FAM76A: variants seen among roughly 807,000 people sequenced by gnomAD.
FAM76A encodes protein FAM76A.
FAM76A carries 32 observed loss-of-function variants against 46.2 expected under a neutral mutation model. The ratio of observed to expected loss-of-function variants is 0.69; its 90% confidence interval spans 0.52 to 0.93. The LOEUF is 0.93. Ranked by LOEUF, FAM76A falls within the 40% of genes least tolerant of loss-of-function variation. FAM76A has a pLI of 0.00. For missense variants in FAM76A, 274 were observed against 361.5 expected (o/e 0.76, Z 1.96); for synonymous variants, 137 against 127.0 (o/e 1.08, Z -0.53).
At chr1:27,735,423 C>A (rs1251919546) in intron 4 of FAM76A, among the ~76,000 whole-genome samples, 2 of 152,164 alleles carry the variant, frequency 1.3e-5, no homozygotes, top group African/African-American at 4.8e-5. Flanking sequence ...AGTAGCTGCT[C>A]AATAAGTATT....
intron 6 of FAM76A, among the ~76,000 whole-genome samples, chr1:27,749,833 A>G (rs761731661): frequency 6.6e-6 from 1 of 152,248 alleles, no homozygotes; most frequent in Non-Finnish European, 1.5e-5. Context: ...AAGCCAGCCC[A>G]GTGCAGATTC....
At chr1:27,732,697 GT>G in intron 3 of FAM76A, 40 bp downstream of exon 3, 2 of 1,519,712 alleles carry the variant, frequency 1.3e-6, no homozygotes, top group South Asian at 1.2e-5. Flanking sequence ...GAGTACTAGG[GT>G]CTTGTGGAAC....
In FAM76A at chr1:27,727,452, A is replaced by C. The variant is rs2087879360; in HGVS notation, c.82-20A>C. The C allele has an allele frequency of 1.3e-5, 21 of 1,610,830 alleles. No individual in the cohort carries two copies. Among genetic ancestry groups the C allele is most frequent in the Non-Finnish European group, 1.7e-5 (20 of 1,177,264 alleles). On this transcript the variant is annotated intron_variant, in intron 1 of 8. Transcript: ENST00000373954. ...CCATTTGTGACTGCCTTTTAAAATT[A>C]TATCCTCATTTCATTTCAGGAATGT...
chr1:27,737,186 T>C (rs576076471), intron 4 of FAM76A, among the ~76,000 whole-genome samples: 139 of 152,130 alleles, frequency 9.1e-4, no homozygotes, highest in Non-Finnish European at 1.8e-3. Flanking sequence ...TGATCTCAGG[T>C]GATCTACCCG....
At chr1:27,728,151 A>G (rs1314310437) in intron 2 of FAM76A, among the ~76,000 whole-genome samples, 4 of 151,712 alleles carry the variant, frequency 2.6e-5, no homozygotes, top group African/African-American at 9.7e-5. Flanking sequence ...ATCATTTTAT[A>G]TTGTGATTAT....
chr1:27,731,891 G>A (rs753803372), intron 2 of FAM76A, among the ~76,000 whole-genome samples: 7 of 151,944 alleles, frequency 4.6e-5, no homozygotes, highest in Non-Finnish European at 4.4e-5. Flanking sequence ...GTGAGGTCTC[G>A]GCTTACTGCA....
Position 27,737,868 on chromosome 1 carries a change from CA to C in FAM76A, c.354+3709del, listed in dbSNP as rs71571865. Reference sequence around the variant, plus strand: ...CTCCATCTCAAAACAACAACAACAACAAAAAAAAAAAAAAAAAAAAAAAACA... The same window carrying C: ...CTCCATCTCAAAACAACAACAACAACAAAAAAAAAAAAAAAAAAAAAAACA... On this transcript the variant is annotated intron_variant, in intron 4 of 8. Transcript: ENST00000373954. Among the ~76,000 whole-genome samples, 574 of 62,658 alleles carry C rather than the reference CA, an allele frequency of 9.2e-3. 4 individuals are homozygous for C. Among genetic ancestry groups the C allele is most frequent in the African/African-American group, 0.022 (469 of 21,054 alleles). The allele number at this position is 62,658 out of a possible 152,430, so 41.1% of individuals were successfully genotyped here.
At chr1:27,753,561 A>G (rs2148585078) in intron 6 of FAM76A, among the ~76,000 whole-genome samples, 1 of 152,336 alleles carries the variant, frequency 6.6e-6, no homozygotes, top group East Asian at 1.9e-4. Flanking sequence ...CCATCCATTC[A>G]TTAGTTATGA....
chr1:27,736,085 G>C (rs2088039147), intron 4 of FAM76A, among the ~76,000 whole-genome samples: 1 of 152,124 alleles, frequency 6.6e-6, no homozygotes. Flanking sequence ...ACTTTGGGAG[G>C]CTGAAGTGGA....
chr1:27,739,223 G>T (rs2088108916), intron 4 of FAM76A: 2 of 483,048 alleles, frequency 4.1e-6, no homozygotes, highest in Admixed American at 2.3e-5. Flanking sequence ...TTGTATGCAT[G>T]CTGAACCAGG....
At chr1:27,727,451 T>C (rs1462303290) in intron 1 of FAM76A, 21 bp from the exon 2 acceptor site, 1 of 1,610,772 alleles carries the variant, frequency 6.2e-7, no homozygotes, top group Non-Finnish European at 8.5e-7. Context: ...CTTTTAAAAT[T>C]ATATCCTCAT....
chr1:27,746,992 T>C (rs2088251997), intron 5 of FAM76A, among the ~76,000 whole-genome samples: 1 of 152,124 alleles, frequency 6.6e-6, no homozygotes, highest in Non-Finnish European at 1.5e-5. Flanking sequence ...GAGGATCGCT[T>C]TAAGCCTTGG....
chr1:27,748,120 G>GTTTT (rs775627660), intron 5 of FAM76A, among the ~76,000 whole-genome samples: 49 of 108,354 alleles, frequency 4.5e-4, no homozygotes, highest in African/African-American at 8.6e-4. Flanking sequence ...TGTAAAAGAA[G>GTTTT]TTTTTTTTTT....
intron 7 of FAM76A, among the ~76,000 whole-genome samples, chr1:27,758,093 T>C (rs1185588241): frequency 6.6e-6 from 1 of 152,208 alleles, no homozygotes; most frequent in Non-Finnish European, 1.5e-5. Context: ...TTATGTTGTT[T>C]TCTGCCAAGT....
intron 4 of FAM76A, among the ~76,000 whole-genome samples, chr1:27,738,046 C>T (rs1161446470): frequency 6.6e-6 from 1 of 151,464 alleles, no homozygotes; most frequent in African/African-American, 2.4e-5. Context: ...GAATGAGACC[C>T]TATCTATAAA....
intron 4 of FAM76A, chr1:27,739,947 CA>C: frequency 4.2e-6 from 1 of 239,880 alleles, no homozygotes. Context: ...CCTTGGGAGC[CA>C]GTGCTATGGC....
intron 2 of FAM76A, among the ~76,000 whole-genome samples, chr1:27,728,305 A>G (rs754375815): frequency 2.0e-5 from 3 of 152,188 alleles, no homozygotes; most frequent in Non-Finnish European, 2.9e-5. Flanking sequence ...AGAGTTTGCT[A>G]GCTCTAGTCA....
At chr1:27,746,264 C>T (rs537242099) in intron 5 of FAM76A, among the ~76,000 whole-genome samples, 10 of 152,160 alleles carry the variant, frequency 6.6e-5, no homozygotes, top group Non-Finnish European at 1.2e-4. Context: ...GGATAATTCC[C>T]GGGTTTCTTA....
intron 4 of FAM76A, among the ~76,000 whole-genome samples, chr1:27,742,234 C>CATTACCTGAGAAAT (rs1276939726): frequency 1.2e-4 from 19 of 152,170 alleles, no homozygotes; most frequent in African/African-American, 4.3e-4. Flanking sequence ...TATCAGCATA[C>CATTACCTGAGAAAT]TCCCTGTCTA....
Sources: gnomAD v4.1 joint callset for allele counts (sites outside exome capture counted in the v4.1 genomes callset) on GRCh38, gnomAD v4.1.1 for gene constraint, MANE v1.5 for transcripts, NCBI Gene and HGNC (gene_info 2026-07-23, HGNC 2026-07-21) for gene names.